The following DEPDC4 variants were observed in gnomAD, a reference collection of about 807,000 sequenced individuals.
DEPDC4 encodes the protein DEP domain containing 4.
In DEPDC4, 52 loss-of-function variants were observed where a neutral mutation model predicts 52.0. The observed-to-expected ratio is 1.00, with a 90% CI of 0.80 to 1.26. The LOEUF (loss-of-function observed/expected upper bound fraction) is 1.26, where lower values mean the gene tolerates loss of function less well. Ranked by LOEUF, DEPDC4 falls within the 50% of genes most tolerant of loss-of-function variation. DEPDC4 has a pLI of 0.00. For missense variants in DEPDC4, 530 were observed against 546.9 expected, an observed-to-expected ratio of 0.97 and a Z score of 0.31; for synonymous variants, 201 against 196.8, an observed-to-expected ratio of 1.02 and a Z score of -0.18.
chr12:100,269,658 G>T (rs2096285154), upstream of DEPDC4, among the ~76,000 whole-genome samples: 1 of 152,092 alleles, frequency 6.6e-6, no homozygotes. Flanking sequence ...TGTTAGGGTG[G>T]GTAGTTAGTT....
chr12:100,276,053 A>G, the DEPDC4 span, among the ~76,000 whole-genome samples: 2 of 152,184 alleles, frequency 1.3e-5, no homozygotes, highest in Non-Finnish European at 2.9e-5. Context: ...TGATGTTCTA[A>G]TATCTTAAGG....
upstream of DEPDC4, among the ~76,000 whole-genome samples, chr12:100,268,736 G>A (rs1335708097): frequency 1.3e-5 from 2 of 152,154 alleles, no homozygotes; most frequent in Non-Finnish European, 2.9e-5. Context: ...ATATTCACAT[G>A]TTTGAAATTC....
At chr12:100,269,353 A>T (rs925083612), upstream of DEPDC4, among the ~76,000 whole-genome samples, 1 of 151,888 alleles carries the variant, frequency 6.6e-6, no homozygotes, top group African/African-American at 2.4e-5. Flanking sequence ...ATGCCTATTC[A>T]TCATTCAGCT....
At chr12:100,244,167 A>G (rs2096174969) in intron 8 of DEPDC4, among the ~76,000 whole-genome samples, 1 of 132,666 alleles carries the variant, frequency 7.5e-6, no homozygotes, top group Non-Finnish European at 1.6e-5. Context: ...ATTTTATTTT[A>G]TGGTTTTTTG....
intron 3 of DEPDC4, among the ~76,000 whole-genome samples, chr12:100,257,000 C>T (rs2096236379): frequency 6.6e-6 from 1 of 152,092 alleles, no homozygotes; most frequent in Non-Finnish European, 1.5e-5. Context: ...GATTTCCAGT[C>T]ATTCCTGTTA....
At chr12:100,259,655 G>A (rs1408246663) in intron 3 of DEPDC4, among the ~76,000 whole-genome samples, 1 of 152,128 alleles carries the variant, frequency 6.6e-6, no homozygotes, top group Non-Finnish European at 1.5e-5. Flanking sequence ...TCGTAAGATA[G>A]ATACAGGGAG....
At chr12:100,276,673 G>C in the DEPDC4 span, among the ~76,000 whole-genome samples, 1 of 151,996 alleles carries the variant, frequency 6.6e-6, no homozygotes, top group Non-Finnish European at 1.5e-5. Flanking sequence ...GAGTTTTACT[G>C]ATTTCATTGA....
intron 9 of DEPDC4, among the ~76,000 whole-genome samples, chr12:100,231,795 T>C (rs1251703654): frequency 1.3e-5 from 2 of 151,944 alleles, no homozygotes; most frequent in Admixed American, 6.6e-5. Flanking sequence ...AAATACAAAA[T>C]TTAGGCAGGT....
intron 2 of DEPDC4, 42 bp downstream of exon 2, chr12:100,263,455 G>A: frequency 6.9e-7 from 1 of 1,459,350 alleles, no homozygotes; most frequent in Non-Finnish European, 9.2e-7. Context: ...GTTCTTCTAG[G>A]GTCTAAATAA....
In DEPDC4 at chr12:100,256,050, C is replaced by CTGAGT; in HGVS notation, c.876_877insACTCA (p.Glu293ThrfsTer22). ...TTGACAATAAAAATGGTCACTTACT[C>CTGAGT]AGGTAGACATAAGCTTGGAATAAGT... is the stretch of plus-strand genomic sequence containing the variant. On this transcript the variant is annotated frameshift_variant and splice_region_variant, in exon 4 of 10. Transcript: ENST00000550587. LOFTEE classifies it high-confidence loss of function. 1 of 1,587,268 alleles carries CTGAGT rather than the reference C, an allele frequency of 6.3e-7. No homozygotes were observed. Among genetic ancestry groups the CTGAGT allele is most frequent in the Non-Finnish European group, 8.6e-7 (1 of 1,165,562 alleles).
chr12:100,238,471 T>C (rs2096146307), downstream of DEPDC4, among the ~76,000 whole-genome samples: 1 of 150,218 alleles, frequency 6.7e-6, no homozygotes. Context: ...TTCTTTTTTT[T>C]TAAGTAGGAA....
chr12:100,264,593 C>G (rs2096265219), intron 1 of DEPDC4, among the ~76,000 whole-genome samples: 1 of 151,906 alleles, frequency 6.6e-6, no homozygotes, highest in Non-Finnish European at 1.5e-5. Context: ...GCAGGAGAAT[C>G]TCTTCAACCC....
intron 2 of DEPDC4, 92 bp from the exon 3 acceptor site, chr12:100,262,501 C>T: frequency 9.5e-7 from 1 of 1,057,224 alleles, no homozygotes; most frequent in Non-Finnish European, 1.3e-6. Context: ...TTTATTCATA[C>T]ATTCTCTATT....
At chr12:100,251,488 G>A (rs1264960501) in intron 7 of DEPDC4, among the ~76,000 whole-genome samples, 1 of 151,880 alleles carries the variant, frequency 6.6e-6, no homozygotes, top group Non-Finnish European at 1.5e-5. Context: ...GCTTACTGCA[G>A]CCTCAATCTC....
upstream of DEPDC4, among the ~76,000 whole-genome samples, chr12:100,269,418 A>G (rs1285025588): frequency 6.6e-6 from 1 of 152,100 alleles, no homozygotes; most frequent in African/African-American, 2.4e-5. Flanking sequence ...ATATGTTCTT[A>G]CCACACCATT....
chr12:100,266,345 TGG>T (rs1470966705), intron 1 of DEPDC4, among the ~76,000 whole-genome samples: 2 of 152,100 alleles, frequency 1.3e-5, no homozygotes, highest in African/African-American at 2.4e-5. Flanking sequence ...CCAGACATTG[TGG>T]GCAGAGCGGA....
chr12:100,253,661 C>G lies in DEPDC4; in HGVS notation c.933G>C (p.Gln311His), dbSNP rs780968974. The G allele has an allele frequency of 1.4e-5, 18 of 1,289,970 alleles. No homozygotes were observed. Among genetic ancestry groups the G allele is most frequent in the Non-Finnish European group, 1.7e-5 (17 of 988,952 alleles). 79.9% of individuals were successfully genotyped at this position (1,289,970 alleles called of 1,614,324 possible). ...ACTGCTGACTAACTGTAACTATTAA[C>G]TGGTCAGGGAAATACTCCAAGCATT... ...AIECLEYFPD[Q>H]LIVTVSQQLM... The change falls in exon 5 of 10, where the codon CAG becomes CAC. Residue 311 changes from glutamine to histidine, a missense_variant. Gln to His is a conservative substitution (Grantham distance 24). Transcript: ENST00000550587.
downstream of DEPDC4, chr12:100,238,177 GTTGC>G: frequency 4.2e-6 from 2 of 473,524 alleles, no homozygotes; most frequent in Non-Finnish European, 5.5e-6. Flanking sequence ...ATATAATTGG[GTTGC>G]TTTTTTTTTT....
chr12:100,252,638 G>C, intron 5 of DEPDC4, 102 bp from the exon 6 acceptor site: 3 of 1,149,124 alleles, frequency 2.6e-6, no homozygotes, highest in Non-Finnish European at 3.6e-6. Flanking sequence ...TGTTGTATTA[G>C]TTTGCAGGTT....
Sources: gnomAD v4.1 joint callset for allele counts (sites outside exome capture counted in the v4.1 genomes callset) on GRCh38, gnomAD v4.1.1 for gene constraint, MANE v1.5 for transcripts, NCBI Gene and HGNC (gene_info 2026-07-23, HGNC 2026-07-21) for gene names.